Variants in COL26A1 observed in about 807,000 individuals in gnomAD.
COL26A1 encodes collagen type XXVI alpha 1 chain.
A neutral mutation model predicts 59.3 loss-of-function variants in COL26A1; 41 were observed. The observed-to-expected ratio is 0.69, with a 90% CI of 0.54 to 0.90. The LOEUF (loss-of-function observed/expected upper bound fraction) is 0.90. Ranked by LOEUF, COL26A1 falls within the 40% of genes least tolerant of loss-of-function variation. The pLI is 0.00. For missense variants in COL26A1, 612 were observed against 602.3 expected, an observed-to-expected ratio of 1.02 and a Z score of -0.17; for synonymous variants, 266 against 256.0, an observed-to-expected ratio of 1.04 and a Z score of -0.37.
At chr7:101,552,402 G>A (rs146509531) in intron 10 of COL26A1, among the ~76,000 whole-genome samples, 10 of 151,808 alleles carry the variant, frequency 6.6e-5, no homozygotes, top group African/African-American at 2.4e-4. Context: ...TTGAGGCCAG[G>A]AGTTCAAGGC....
intron 1 of COL26A1, among the ~76,000 whole-genome samples, chr7:101,398,667 C>T (rs1401709837): frequency 6.6e-6 from 1 of 152,150 alleles, no homozygotes; most frequent in African/African-American, 2.4e-5. Flanking sequence ...GTGTTATTCA[C>T]CCTCTCAGCC....
intron 3 of COL26A1, among the ~76,000 whole-genome samples, chr7:101,502,388 C>T (rs1158395385): frequency 6.6e-6 from 1 of 152,160 alleles, no homozygotes; most frequent in Non-Finnish European, 1.5e-5. Flanking sequence ...ACCAGCTATG[C>T]TCAAGAAAAA....
In COL26A1 at chr7:101,489,643, T is replaced by G. The variant is rs540696941; in HGVS notation, c.385+41856T>G. ...TTTCTTTCTTTCTTTCTTTCTTTCTTTCTTTCTTTCTTTCTTTCTTCCTTC... is the reference window on the plus strand; with the variant it reads ...TTTCTTTCTTTCTTTCTTTCTTTCTGTCTTTCTTTCTTTCTTTCTTCCTTC... On this transcript the variant is annotated intron_variant, in intron 3 of 12. Transcript: ENST00000313669. 7.9e-3 allele frequency among the ~76,000 whole-genome samples: 573 copies of G among 72,542 alleles called. 11 individuals carry two copies. The highest frequency in any genetic ancestry group is 0.034 in the African/African-American group (279 of 8,166). The allele number at this position is 72,542 out of a possible 152,430, so 47.6% of individuals were successfully genotyped here.
chr7:101,533,461 G>A (rs945733601), intron 4 of COL26A1, among the ~76,000 whole-genome samples: 1 of 152,126 alleles, frequency 6.6e-6, no homozygotes, highest in African/African-American at 2.4e-5. Flanking sequence ...TCCCTCCAGG[G>A]CCACTGTTCC....
chr7:101,378,558 C>G (rs897976847), intron 1 of COL26A1, among the ~76,000 whole-genome samples: 5 of 151,922 alleles, frequency 3.3e-5, no homozygotes, highest in African/African-American at 1.2e-4. Flanking sequence ...GACAGTGTTT[C>G]CCTATGTCAC....
chr7:101,513,266 C>T (rs1208951053), intron 3 of COL26A1, among the ~76,000 whole-genome samples: 1 of 151,578 alleles, frequency 6.6e-6, no homozygotes, highest in Admixed American at 6.6e-5. Context: ...CCTTGGCCCC[C>T]CAAAGTGCTG....
chr7:101,406,363 A>T (rs995501175), intron 1 of COL26A1, among the ~76,000 whole-genome samples: 1 of 152,102 alleles, frequency 6.6e-6, no homozygotes, highest in African/African-American at 2.4e-5. Context: ...GGCTATTCCT[A>T]TGTGAACAAA....
rs149931276 is a variant in COL26A1 at position 101,470,170 on chromosome 7, T to A, written c.385+22383T>A. On this transcript the variant is annotated intron_variant, in intron 3 of 12. Transcript: ENST00000313669. ...TCCAGGATGGAGTGCAGTGGTTCGATCTCACTGCAACCTCTGCCTCCCAGG... is the reference window on the plus strand; with the variant it reads ...TCCAGGATGGAGTGCAGTGGTTCGAACTCACTGCAACCTCTGCCTCCCAGG... Among the ~76,000 whole-genome samples the A allele has an allele frequency of 1.6e-4, 24 of 150,860 alleles. No homozygotes were observed. In the East Asian group the frequency reaches 4.6e-3, roughly 29 times the overall value.
chr7:101,490,909 G>C (rs1563009134), intron 3 of COL26A1, among the ~76,000 whole-genome samples: 1 of 148,362 alleles, frequency 6.7e-6, no homozygotes, highest in East Asian at 2.0e-4. Flanking sequence ...TGAGACAGGA[G>C]AATTACGTGA....
intron 2 of COL26A1, among the ~76,000 whole-genome samples, chr7:101,434,168 C>CA (rs1792853960): frequency 3.3e-5 from 1 of 30,288 alleles, no homozygotes; most frequent in African/African-American, 1.5e-4. Flanking sequence ...TTCTTTCTCT[C>CA]CCCTTCCTTC....
chr7:101,508,577 C>A (rs1319719266), intron 3 of COL26A1, among the ~76,000 whole-genome samples: 3 of 151,658 alleles, frequency 2.0e-5, no homozygotes, highest in Non-Finnish European at 4.4e-5. Context: ...ACAACCCTCC[C>A]TTCCCACCCC....
At chr7:101,408,018 G>A (rs182012849) in intron 1 of COL26A1, among the ~76,000 whole-genome samples, 9 of 152,304 alleles carry the variant, frequency 5.9e-5, no homozygotes, top group Non-Finnish European at 8.8e-5. Flanking sequence ...AGAGCAGAAC[G>A]TCTGCTGCTG....
At chr7:101,509,678 A>G (rs985384447) in intron 3 of COL26A1, among the ~76,000 whole-genome samples, 1 of 151,984 alleles carries the variant, frequency 6.6e-6, no homozygotes, top group Non-Finnish European at 1.5e-5. Context: ...GGGTGAGTTG[A>G]GGCCCCCAGC....
At chr7:101,525,348 A>G (rs1289256136) in intron 3 of COL26A1, among the ~76,000 whole-genome samples, 7 of 150,064 alleles carry the variant, frequency 4.7e-5, no homozygotes, top group African/African-American at 1.7e-4. Flanking sequence ...TGCCCAGCTA[A>G]TTTTTTGTAT....
At chr7:101,391,715 C>A (rs529426308) in intron 1 of COL26A1, among the ~76,000 whole-genome samples, 157 of 152,184 alleles carry the variant, frequency 1.0e-3, no homozygotes, top group African/African-American at 3.5e-3. Context: ...CCACCACGCC[C>A]GGCTAATTTT....
Position 101,489,768 on chromosome 7 carries a change from T to C in COL26A1, c.385+41981T>C, listed in dbSNP as rs569611649. On this transcript the variant is annotated intron_variant, in intron 3 of 12. Coordinates refer to ENST00000313669, the MANE Select transcript of COL26A1 (RefSeq NM_001278563.3). ...TTCTTTCTTGTCTCTCTTTCTTTCTTTCTTTCTTTCTTTCTTTCTTTCTTT... is the reference window on the plus strand; with the variant it reads ...TTCTTTCTTGTCTCTCTTTCTTTCTCTCTTTCTTTCTTTCTTTCTTTCTTT... Among the ~76,000 whole-genome samples the C allele has an allele frequency of 5.8e-3, 21 of 3,602 alleles. 1 individual carries two copies. The highest frequency in any genetic ancestry group is 0.03 in the East Asian group (9 of 296). 2.4% of individuals were successfully genotyped at this position (3,602 alleles called of 152,430 possible).
intron 3 of COL26A1, among the ~76,000 whole-genome samples, chr7:101,508,517 CAA>C (rs58872805): frequency 2.5e-4 from 32 of 127,590 alleles, no homozygotes; most frequent in Non-Finnish European, 2.8e-4. Context: ...AAAACCCTGT[CAA>C]AAAAAAAAAA....
chr7:101,482,616 C>T (rs567435165), intron 3 of COL26A1, among the ~76,000 whole-genome samples: 2 of 152,308 alleles, frequency 1.3e-5, no homozygotes, highest in African/African-American at 4.8e-5. Flanking sequence ...TAGCCCAGCA[C>T]AAGTTCCTGT....
At chr7:101,434,508 C>T (rs1489207673) in intron 2 of COL26A1, among the ~76,000 whole-genome samples, 2 of 151,942 alleles carry the variant, frequency 1.3e-5, no homozygotes, top group Non-Finnish European at 2.9e-5. Context: ...GTGATCCTCC[C>T]GCCTCTATCT....
Sources: allele counts gnomAD v4.1 joint callset (sites outside exome capture counted in the v4.1 genomes callset), GRCh38; gene constraint gnomAD v4.1.1; transcripts MANE v1.5; gene names NCBI Gene and HGNC (gene_info 2026-07-23, HGNC 2026-07-21).